The following BNIPL variants were observed in gnomAD, a reference collection of about 807,000 sequenced individuals.
The protein encoded by BNIPL is bcl-2/adenovirus E1B 19 kDa-interacting protein 2-like protein.
In BNIPL, 33 loss-of-function variants were observed where a neutral mutation model predicts 47.0. The observed-to-expected ratio is 0.70, with a 90% CI of 0.53 to 0.94. BNIPL has a LOEUF of 0.94. Ranked by LOEUF, BNIPL falls within the 40% of genes least tolerant of loss-of-function variation. BNIPL has a pLI of 0.00. For missense variants in BNIPL, 404 were observed against 445.2 expected (o/e 0.91, Z 0.83); for synonymous variants, 145 against 162.7 (o/e 0.89, Z 0.83).
chr1:151,037,458 C>A, intron 1 of BNIPL, 109 bp from the exon 2 acceptor site: 3 of 1,462,660 alleles, frequency 2.1e-6, no homozygotes, highest in Non-Finnish European at 2.7e-6. Flanking sequence ...GATCTGAGTC[C>A]TTTTGAAGGC....
At chr1:151,044,155 T>C (rs1357690420) in intron 7 of BNIPL, among the ~76,000 whole-genome samples, 1 of 151,786 alleles carries the variant, frequency 6.6e-6, no homozygotes, top group Non-Finnish European at 1.5e-5. Context: ...CAGCTAACTT[T>C]TGTATTTTTT....
At chr1:151,040,876 T>C (rs1172015306) in intron 4 of BNIPL, among the ~76,000 whole-genome samples, 1 of 151,082 alleles carries the variant, frequency 6.6e-6, no homozygotes, top group Admixed American at 6.6e-5. Flanking sequence ...TAATATATTA[T>C]CATTTGAATA....
chr1:151,038,844 G>A lies in BNIPL; in HGVS notation c.251G>A (p.Arg84His), dbSNP rs367607450. 2.2e-5 allele frequency: 35 copies of A among 1,612,646 alleles called. No homozygotes were observed. The highest frequency in any genetic ancestry group is 1.6e-4 in the Middle Eastern group (1 of 6,078). The change falls in exon 4 of 10, where the codon CGC (arginine) becomes CAC (histidine). Residue 84 changes from arginine (R) to histidine (H), a missense_variant. By Grantham distance (29) the Arg-to-His change is conservative (BLOSUM62 0). Coordinates refer to ENST00000368931, the MANE Select transcript of BNIPL (RefSeq NM_138278.4). The part of the protein sequence containing the change: ...TLALCGQRPM[R>H]KRLSAPELRL... Reference sequence around the variant, plus strand: ...GCCCTGTGTGGCCAGCGCCCCATGCGCAAGCGTCTTTCTGCCCCAGAGTTG... The same window carrying A: ...GCCCTGTGTGGCCAGCGCCCCATGCACAAGCGTCTTTCTGCCCCAGAGTTG...
At chr1:151,041,670 C>T (rs1009081466) in intron 4 of BNIPL, among the ~76,000 whole-genome samples, 9 of 152,242 alleles carry the variant, frequency 5.9e-5, no homozygotes, top group African/African-American at 2.2e-4. Flanking sequence ...TGGATTCAGT[C>T]ATTCATCAAT....
chr1:151,045,450 T>C, intron 7 of BNIPL: 1 of 205,576 alleles, frequency 4.9e-6, no homozygotes, highest in South Asian at 6.9e-5. Context: ...TCCCAGCTAC[T>C]CAGGAGGCTG....
chr1:151,039,281 G>C (rs1055348598), intron 4 of BNIPL, among the ~76,000 whole-genome samples: 1 of 152,106 alleles, frequency 6.6e-6, no homozygotes, highest in African/African-American at 2.4e-5. Context: ...TATAGGACTG[G>C]GGTTATAAAG....
chr1:151,046,577 C>T (rs1676031442), intron 9 of BNIPL, 74 bp from the exon 10 acceptor site: 3 of 1,388,340 alleles, frequency 2.2e-6, no homozygotes, highest in Non-Finnish European at 3.0e-6. Context: ...CCTGGCTTCT[C>T]TCCCCAAACC....
chr1:151,037,053 C>T (rs1159059770), intron 1 of BNIPL, among the ~76,000 whole-genome samples: 1 of 152,186 alleles, frequency 6.6e-6, no homozygotes, highest in Non-Finnish European at 1.5e-5. Flanking sequence ...TTCTAACCCT[C>T]ACCCTCCAGA....
rs186838015 is a variant in BNIPL at position 151,036,860 on chromosome 1, G to T, written c.41+94G>T. The T allele has an allele frequency of 8.9e-5, 113 of 1,272,850 alleles. No individual in the cohort carries two copies. The Admixed American group carries it at 1.1e-3, about 13-fold the overall frequency. The allele number at this position is 1,272,850 out of a possible 1,614,324, so 78.8% of individuals were successfully genotyped here. ...CCAGCTCTTACTGGGTCAAATCTCGGGTTCCTCAAGGAGACAAGACTGTAA... is the reference window on the plus strand; with the variant it reads ...CCAGCTCTTACTGGGTCAAATCTCGTGTTCCTCAAGGAGACAAGACTGTAA... On this transcript the variant is annotated intron_variant, in intron 1 of 9. Coordinates refer to ENST00000368931, the MANE Select transcript of BNIPL (RefSeq NM_138278.4).
Position 151,046,774 on chromosome 1 carries a change from TCTTATCCCCA to T in BNIPL, c.*88_*97del. 8.5e-7 allele frequency: 1 copy of T among 1,179,742 alleles called. No individual in the cohort carries two copies. Among genetic ancestry groups the T allele is most frequent in the Non-Finnish European group, 1.2e-6 (1 of 816,890 alleles). 73.1% of individuals were successfully genotyped at this position (1,179,742 alleles called of 1,614,324 possible). A position where few individuals can be genotyped will look rare whatever the true frequency, so the allele number is the denominator to read the frequency against. On this transcript the variant is annotated 3_prime_UTR_variant, in exon 10 of 10. Transcript: ENST00000368931. The stretch of plus-strand genomic sequence containing the variant: ...AACATCTGAACTGTTTTGTAAATCA[TCTTATCCCCA>T]ACCTCAGTACCACCGGATCTTCACT...
chr1:151,046,634 C>A lies in BNIPL; in HGVS notation c.1038-17C>A. 1 of 1,601,308 alleles carries A rather than the reference C, an allele frequency of 6.2e-7. No individual in the cohort carries two copies. The highest frequency in any genetic ancestry group is 8.6e-7 in the Non-Finnish European group (1 of 1,168,586). ...ACCCCCTGAACCACTTCTCTCCTCC[C>A]CCTCTCCCTCTCCTAGGCTGGACCG... On this transcript the variant is annotated splice_polypyrimidine_tract_variant and intron_variant, in intron 9 of 9. Coordinates refer to ENST00000368931, the MANE Select transcript of BNIPL (RefSeq NM_138278.4).
chr1:151,038,821 C>A lies in BNIPL; in HGVS notation c.228C>A (p.Ala76=). ...CTGCAGGTACCCCCAGCACTTTAGC[C>A]CTGTGTGGCCAGCGCCCCATGCGCA... ...QAAAGTPSTL[A]LCGQRPMRKR... is the part of the protein sequence containing the mutation. The change falls in exon 4 of 10, where the codon GCC becomes GCA. Residue 76 remains alanine, a synonymous_variant. Transcript: ENST00000368931. 6.2e-7 allele frequency: 1 copy of A among 1,605,568 alleles called. No homozygotes were observed. Among genetic ancestry groups the A allele is most frequent in the Non-Finnish European group, 8.5e-7 (1 of 1,175,530 alleles).
intron 2 of BNIPL, 96 bp downstream of exon 2, chr1:151,037,758 T>C: frequency 2.7e-6 from 3 of 1,100,170 alleles, no homozygotes; most frequent in East Asian, 2.8e-5. Flanking sequence ...CCCAGCACTT[T>C]GGGTGGCCGA....
Position 151,046,646 on chromosome 1 carries a change from C to A in BNIPL, c.1038-5C>A. The stretch of plus-strand genomic sequence containing the variant: ...ACTTCTCTCCTCCCCCTCTCCCTCT[C>A]CTAGGCTGGACCGGGATCTCCATGG... On this transcript the variant is annotated splice_polypyrimidine_tract_variant and splice_region_variant and intron_variant, in intron 9 of 9. Coordinates refer to ENST00000368931, the MANE Select transcript of BNIPL (RefSeq NM_138278.4). 6.2e-7 allele frequency: 1 copy of A among 1,606,200 alleles called. No homozygotes were observed. Among genetic ancestry groups the A allele is most frequent in the Non-Finnish European group, 8.5e-7 (1 of 1,172,850 alleles).
rs756433087 is a variant in BNIPL at position 151,046,636 on chromosome 1, C to A, written c.1038-15C>A. 5.0e-6 allele frequency: 8 copies of A among 1,598,078 alleles called. No individual in the cohort carries two copies. The highest frequency in any genetic ancestry group is 6.8e-6 in the Non-Finnish European group (8 of 1,169,664). ...CCCCTGAACCACTTCTCTCCTCCCC[C>A]TCTCCCTCTCCTAGGCTGGACCGGG... On this transcript the variant is annotated splice_polypyrimidine_tract_variant and intron_variant, in intron 9 of 9. Coordinates refer to ENST00000368931, the MANE Select transcript of BNIPL (RefSeq NM_138278.4).
intron 2 of BNIPL, 75 bp downstream of exon 2, chr1:151,037,737 A>G: frequency 7.6e-7 from 1 of 1,307,578 alleles, no homozygotes; most frequent in Non-Finnish European, 1.1e-6. Flanking sequence ...GCGGCGGCTC[A>G]TGGCTGTAAT....
intron 7 of BNIPL, 94 bp from the exon 8 acceptor site, chr1:151,045,700 AGTG>A (rs1675994958): frequency 2.6e-5 from 41 of 1,583,986 alleles, no homozygotes; most frequent in Non-Finnish European, 3.5e-5. Context: ...AAACTAGAGA[AGTG>A]AATGAAGGAA....
chr1:151,039,419 G>C (rs1675743956), intron 4 of BNIPL, among the ~76,000 whole-genome samples: 1 of 152,164 alleles, frequency 6.6e-6, no homozygotes, highest in Non-Finnish European at 1.5e-5. Context: ...GAAGGAAAAG[G>C]TCAGTTCTGC....
At chr1:151,038,722 A>T in intron 3 of BNIPL, 74 bp from the exon 4 acceptor site, 1 of 1,551,726 alleles carries the variant, frequency 6.4e-7, no homozygotes, top group Non-Finnish European at 8.7e-7. Context: ...TCACTTTCAC[A>T]TACAGGAATT....
Sources: allele counts gnomAD v4.1 joint callset (sites outside exome capture counted in the v4.1 genomes callset), GRCh38; gene constraint gnomAD v4.1.1; transcripts MANE v1.5; gene names NCBI Gene and HGNC (gene_info 2026-07-23, HGNC 2026-07-21).